Variants in SLC45A4 observed in about 807,000 individuals in gnomAD.
SLC45A4 encodes the protein solute carrier family 45 member 4, also known as polyamine-transporter SLC45A4.
In SLC45A4, 32 loss-of-function variants were observed where a neutral mutation model predicts 63.7. The ratio of observed to expected loss-of-function variants is 0.50; its 90% CI spans 0.38 to 0.67. The LOEUF (loss-of-function observed/expected upper bound fraction) is 0.67. SLC45A4 is among the 30% of genes least tolerant of loss of function. The probability of loss-of-function intolerance (pLI) is 0.00; values close to 1 mark genes in which losing one functional copy is unlikely to be tolerated. For missense variants in SLC45A4, 1,027 were observed against 1,157.7 expected (o/e 0.89, Z 1.64); for synonymous variants, 535 against 510.0 (o/e 1.05, Z -0.66).
chr8:141,263,214 T>G (rs1589828808), intron 1 of SLC45A4, among the ~76,000 whole-genome samples: 2 of 61,248 alleles, frequency 3.3e-5, no homozygotes, highest in Non-Finnish European at 2.9e-5. Flanking sequence ...GGGACTGTTG[T>G]GGGGTGGGGG....
At chr8:141,242,543 G>T (rs1379560737) in intron 2 of SLC45A4, among the ~76,000 whole-genome samples, 2 of 152,144 alleles carry the variant, frequency 1.3e-5, no homozygotes, top group Non-Finnish European at 2.9e-5. Flanking sequence ...AGACAGTGCT[G>T]GGAAAAGAGC....
chr8:141,298,021 G>A (rs1053511406), intron 1 of SLC45A4, among the ~76,000 whole-genome samples: 4 of 72,158 alleles, frequency 5.5e-5, no homozygotes, highest in Non-Finnish European at 2.6e-5. Context: ...AGCGCTGCCC[G>A]GGAGGCCCAC....
chr8:141,239,594 A>ACACACACACG lies in SLC45A4; in HGVS notation c.241+14394_241+14395insCGTGTGTGTG, dbSNP rs1555571146. On this transcript the variant is annotated intron_variant, in intron 2 of 8. Coordinates refer to ENST00000517878, the MANE Select transcript of SLC45A4 (RefSeq NM_001286646.2). ...GCAAAGCACACACACACACACACAC[A>ACACACACACG]CACACGCACGCACACACACAGCATC... 4.2e-3 allele frequency among the ~76,000 whole-genome samples: 642 copies of ACACACACACG among 151,844 alleles called. 7 individuals carry two copies. The highest frequency in any genetic ancestry group is 0.034 in the South Asian group (164 of 4,806).
chr8:141,265,360 A>G (rs964333362), intron 1 of SLC45A4, among the ~76,000 whole-genome samples: 1 of 152,230 alleles, frequency 6.6e-6, no homozygotes, highest in Non-Finnish European at 1.5e-5. Context: ...ATGAAAGGAA[A>G]GCAGCTCTGA....
At chr8:141,238,134 G>C (rs1257466523) in intron 2 of SLC45A4, among the ~76,000 whole-genome samples, 1 of 152,172 alleles carries the variant, frequency 6.6e-6, no homozygotes, top group Non-Finnish European at 1.5e-5. Flanking sequence ...GGACGCCTAG[G>C]ACTCCTGGGC....
intron 1 of SLC45A4, among the ~76,000 whole-genome samples, chr8:141,266,389 CCA>C (rs1327018915): frequency 6.6e-6 from 1 of 152,146 alleles, no homozygotes; most frequent in Non-Finnish European, 1.5e-5. Context: ...GTAGGGGCAC[CCA>C]CAGTCAGACA....
intron 1 of SLC45A4, among the ~76,000 whole-genome samples, chr8:141,266,506 G>A (rs918197492): frequency 1.3e-5 from 2 of 152,176 alleles, no homozygotes; most frequent in Admixed American, 6.5e-5. Flanking sequence ...AGATGGCCAC[G>A]GAGAGGAACA....
chr8:141,297,061 CCTAAGTTA>C (rs1338355103), intron 1 of SLC45A4, among the ~76,000 whole-genome samples: 1 of 152,076 alleles, frequency 6.6e-6, no homozygotes, highest in Admixed American at 6.5e-5. Flanking sequence ...GTCTGACCAC[CCTAAGTTA>C]CTGAGTCCCC....
intron 1 of SLC45A4, among the ~76,000 whole-genome samples, chr8:141,257,634 T>C (rs926438837): frequency 6.6e-6 from 1 of 152,184 alleles, no homozygotes; most frequent in Non-Finnish European, 1.5e-5. Flanking sequence ...TAATAAGTAA[T>C]ATATGAATTA....
rs527630354 is a variant in SLC45A4, at chr8:141,287,690, C to T, written c.-401+20406G>A. 4.5e-4 allele frequency among the ~76,000 whole-genome samples: 68 copies of T among 152,372 alleles called. No homozygotes were observed. In the South Asian group the frequency reaches 0.014, roughly 31 times the overall value. ...AACAGGTGAAAAGTGCCTCCTTTCA[C>T]CTGCCACCCCGTTCAAGAGCTGCCA... On this transcript the variant is annotated intron_variant, in intron 1 of 8. Coordinates refer to ENST00000517878, the MANE Select transcript of SLC45A4 (RefSeq NM_001286646.2).
rs1248488844 is a variant in SLC45A4 at position 141,208,349 on chromosome 8, T to C, written c.*3223A>G. On this transcript the variant is annotated 3_prime_UTR_variant, in exon 9 of 9. Transcript: ENST00000517878. ...GGGAGAGCCGAGGGTGGCCTGCAGCTCCCCCTTCCAGCCCTCTTGTTGCTG... is the reference window on the plus strand; with the variant it reads ...GGGAGAGCCGAGGGTGGCCTGCAGCCCCCCCTTCCAGCCCTCTTGTTGCTG... The C allele has an allele frequency of 6.6e-6, 1 of 151,738 alleles. No individual in the cohort carries two copies. Among genetic ancestry groups the C allele is most frequent in the Non-Finnish European group, 1.5e-5 (1 of 67,942 alleles). 9.4% of individuals were successfully genotyped at this position (151,738 alleles called of 1,614,324 possible). A position where few individuals can be genotyped will look rare whatever the true frequency, so the allele number is the denominator to read the frequency against.
At position 141,218,100 on chromosome 8, in the gene SLC45A4, A is replaced by C. The variant is rs1167144815; in HGVS notation, c.1540T>G (p.Cys514Gly). The stretch of plus-strand genomic sequence containing the variant: ...ACAGAGAACCAGGTGAGGAGGTGGC[A>C]GAGGCACAGCCGCATCAGCTCCCTG... Reference protein sequence around the residue: ...MPRELMRLCLCHLLTWFSVIA... With the variant: ...MPRELMRLCLGHLLTWFSVIA... The change falls in exon 5 of 9, where the codon TGC becomes GGC. Residue 514 changes from cysteine (C) to glycine (G), a missense_variant. Cys to Gly is a radical substitution (Grantham distance 159, BLOSUM62 -3). Transcript: ENST00000517878. 1.2e-6 allele frequency: 2 copies of C among 1,612,600 alleles called. No individual in the cohort carries two copies. The highest frequency in any genetic ancestry group is 3.3e-5 in the Admixed American group (2 of 60,000).
intron 1 of SLC45A4, among the ~76,000 whole-genome samples, chr8:141,273,811 A>C (rs1222689975): frequency 6.6e-6 from 1 of 152,218 alleles, no homozygotes; most frequent in Admixed American, 6.5e-5. Flanking sequence ...GGAAATGGCT[A>C]ACTGTCCAAT....
At chr8:141,304,917 A>G (rs1164464732) in intron 1 of SLC45A4, among the ~76,000 whole-genome samples, 1 of 152,170 alleles carries the variant, frequency 6.6e-6, no homozygotes, top group Non-Finnish European at 1.5e-5. Context: ...GTCACTTGCC[A>G]AGGAGGCCAC....
At chr8:141,222,078 G>A (rs552223774) in intron 2 of SLC45A4, among the ~76,000 whole-genome samples, 15 of 136,452 alleles carry the variant, frequency 1.1e-4, no homozygotes, top group African/African-American at 3.6e-4. Flanking sequence ...CATGGAGGGC[G>A]CCCCGCCCAG....
Position 141,305,147 on chromosome 8 carries a change from A to C in SLC45A4, c.-401+2949T>G, listed in dbSNP as rs73715820. Among the ~76,000 whole-genome samples the C allele has an allele frequency of 3.6e-3, 554 of 152,312 alleles. 2 individuals carry two copies. Among genetic ancestry groups the C allele is most frequent in the African/African-American group, 0.013 (535 of 41,568 alleles). On this transcript the variant is annotated intron_variant, in intron 1 of 8. Transcript: ENST00000517878. Reference sequence around the variant, plus strand: ...GATACTCGGGGGAAAAGGCCACTAGAAGCACATTTTGAAAGTTTCACATTT... The same window carrying C: ...GATACTCGGGGGAAAAGGCCACTAGCAGCACATTTTGAAAGTTTCACATTT...
chr8:141,221,757 C>T lies in SLC45A4; in HGVS notation c.250G>A (p.Glu84Lys), dbSNP rs1273444431. ...AACCAGGTGAGGCTGTAGTACTGCT[C>T]CGGAAGGCCTGCAAGGGACACGAGG... ...TPILLQIGLP[E>K]QYYSLTWFLS... The change falls in exon 3 of 9, where the codon GAG becomes AAG. Residue 84 changes from glutamate to lysine, a missense_variant. Coordinates refer to ENST00000517878, the MANE Select transcript of SLC45A4 (RefSeq NM_001286646.2). 1 of 1,613,410 alleles carries T rather than the reference C, an allele frequency of 6.2e-7. No homozygotes were observed. Among genetic ancestry groups the T allele is most frequent in the East Asian group, 2.2e-5 (1 of 44,870 alleles).
chr8:141,228,325 A>G, intron 2 of SLC45A4: 1 of 1,601,304 alleles, frequency 6.2e-7, no homozygotes, highest in Non-Finnish European at 8.5e-7. Context: ...CCAGGGGGCC[A>G]CTGTTTCTCC....
intron 1 of SLC45A4, among the ~76,000 whole-genome samples, chr8:141,264,790 T>C (rs773608845): frequency 1.1e-4 from 16 of 152,202 alleles, no homozygotes; most frequent in Admixed American, 2.0e-4. Flanking sequence ...TCACTGCAAA[T>C]AGGATTTCCT....
Sources: allele counts gnomAD v4.1 joint callset (sites outside exome capture counted in the v4.1 genomes callset), GRCh38; gene constraint gnomAD v4.1.1; transcripts MANE v1.5; gene names NCBI Gene and HGNC (gene_info 2026-07-23, HGNC 2026-07-21).